Variants in TTBK2 observed in about 807,000 individuals in gnomAD.
TTBK2 encodes the protein tau tubulin kinase 2.
A neutral mutation model predicts 110.8 loss-of-function variants in TTBK2; 28 were observed. The ratio of observed to expected loss-of-function variants is 0.25; its 90% CI spans 0.19 to 0.35. The LOEUF (loss-of-function observed/expected upper bound fraction) is 0.35, where lower values mean the gene tolerates loss of function less well. Ranked by LOEUF, TTBK2 falls within the 10% of genes least tolerant of loss-of-function variation. The probability of loss-of-function intolerance (pLI) is 1.00; values close to 1 mark genes in which losing one functional copy is unlikely to be tolerated. For synonymous variants in TTBK2, 532 were observed against 527.3 expected (o/e 1.01, Z -0.12); for missense variants, 1,369 against 1,500.3 (o/e 0.91, Z 1.45).
intron 6 of TTBK2, among the ~76,000 whole-genome samples, chr15:42,820,923 G>A (rs892989464): frequency 3.9e-5 from 6 of 152,060 alleles, no homozygotes; most frequent in Non-Finnish European, 8.8e-5. Context: ...AGGCTGAGAT[G>A]GGAGAATCCC....
intron 4 of TTBK2, among the ~76,000 whole-genome samples, chr15:42,832,696 TG>T (rs1295007235): frequency 6.6e-6 from 1 of 152,186 alleles, no homozygotes; most frequent in African/African-American, 2.4e-5. Flanking sequence ...CAGGCCATTC[TG>T]AGTAGTGTGA....
intron 10 of TTBK2, among the ~76,000 whole-genome samples, chr15:42,790,457 G>C (rs1404157952): frequency 2.6e-5 from 4 of 151,654 alleles, no homozygotes; most frequent in Non-Finnish European, 5.9e-5. Context: ...GCTAATTTTT[G>C]TATTTTTTGT....
intron 1 of TTBK2, among the ~76,000 whole-genome samples, chr15:42,911,825 G>C (rs1178640823): frequency 6.6e-6 from 1 of 152,144 alleles, no homozygotes; most frequent in Admixed American, 6.5e-5. Flanking sequence ...TAACATACAA[G>C]TGCATGGGAA....
chr15:42,904,112 C>T (rs1471719166), intron 1 of TTBK2, among the ~76,000 whole-genome samples: 3 of 152,190 alleles, frequency 2.0e-5, no homozygotes, highest in African/African-American at 7.2e-5. Flanking sequence ...ACCTTGATTG[C>T]AGCCTATGAC....
At chr15:42,822,186 G>T (rs1304404368) in intron 6 of TTBK2, among the ~76,000 whole-genome samples, 1 of 152,114 alleles carries the variant, frequency 6.6e-6, no homozygotes, top group African/African-American at 2.4e-5. Context: ...TTTATCAGAT[G>T]TGCGTTCTGC....
At position 42,746,105 on chromosome 15, in the gene TTBK2, T is replaced by C. The variant is rs761842533; in HGVS notation, c.3425A>G (p.Lys1142Arg). The C allele has an allele frequency of 5.6e-6, 9 of 1,614,040 alleles. No individual in the cohort carries two copies. Among genetic ancestry groups the C allele is most frequent in the East Asian group, 4.5e-5 (2 of 44,870 alleles). The change falls in exon 15 of 15, where the codon AAG becomes AGG. Residue 1142 changes from lysine to arginine, a missense_variant. Physicochemically the swap from Lys to Arg is conservative, Grantham distance 26. This residue lies in a region of TTBK2 where 1,097 missense variants were observed against 1,114.7 expected (regional missense o/e 0.98). Coordinates refer to ENST00000267890, the MANE Select transcript of TTBK2 (RefSeq NM_173500.4). Reference protein sequence around the residue: ...GSPHNPKTPPKSPVVPRRSPS... With the variant: ...GSPHNPKTPPRSPVVPRRSPS... ...ACTCCTGCGAGGGACAACTGGACTCTTGGGTGGTGTTTTTGGATTGTGAGG... is the reference window on the plus strand; with the variant it reads ...ACTCCTGCGAGGGACAACTGGACTCCTGGGTGGTGTTTTTGGATTGTGAGG...
intron 14 of TTBK2, among the ~76,000 whole-genome samples, chr15:42,750,507 G>A (rs1346762871): frequency 1.3e-5 from 2 of 151,846 alleles, no homozygotes; most frequent in Admixed American, 1.3e-4. Flanking sequence ...GATTTGAGCA[G>A]GCAGAAGAAA....
rs371026734 is a variant in TTBK2 at position 42,817,112 on chromosome 15, T to C, written c.538-15A>G. ...ACAGCTCGAGGCTACAACGAAGCCATGCAAAGAATAATAAATGAGCTTCAA... is the reference window on the plus strand; with the variant it reads ...ACAGCTCGAGGCTACAACGAAGCCACGCAAAGAATAATAAATGAGCTTCAA... On this transcript the variant is annotated splice_polypyrimidine_tract_variant and intron_variant, in intron 6 of 14. Coordinates refer to ENST00000267890, the MANE Select transcript of TTBK2 (RefSeq NM_173500.4). 66 of 1,598,764 alleles carry C rather than the reference T, an allele frequency of 4.1e-5. No homozygotes were observed. The East Asian group carries it at 4.3e-4, about 10-fold the overall frequency.
At position 42,739,629 on chromosome 15, in the gene TTBK2, A is replaced by G. The variant is rs1473247077; in HGVS notation, c.*6166T>C. The G allele has an allele frequency of 1.3e-5, 2 of 152,268 alleles. No homozygotes were observed. The highest frequency in any genetic ancestry group is 3.8e-4 in the East Asian group (2 of 5,202). The allele number at this position is 152,268 out of a possible 1,614,324, so 9.4% of individuals were successfully genotyped here. On this transcript the variant is annotated 3_prime_UTR_variant, in exon 15 of 15. Coordinates refer to ENST00000267890, the MANE Select transcript of TTBK2 (RefSeq NM_173500.4). ...CACCCAATCCAATGTCAAAGCCCCA[A>G]GTGGGCCAGTGTTACCTTTATCTTC...
At chr15:42,876,496 T>A (rs1450192571) in intron 2 of TTBK2, among the ~76,000 whole-genome samples, 1 of 152,218 alleles carries the variant, frequency 6.6e-6, no homozygotes, top group Non-Finnish European at 1.5e-5. Context: ...CCTGCACTAG[T>A]CCATGATAAT....
At chr15:42,809,177 A>T (rs1445460690) in intron 9 of TTBK2, among the ~76,000 whole-genome samples, 2 of 152,256 alleles carry the variant, frequency 1.3e-5, no homozygotes, top group Non-Finnish European at 2.9e-5. Flanking sequence ...AGGAAAGATC[A>T]CAGCAGGAAA....
intron 1 of TTBK2, among the ~76,000 whole-genome samples, chr15:42,895,946 C>A (rs1276875976): frequency 1.3e-5 from 2 of 152,180 alleles, no homozygotes; most frequent in Non-Finnish European, 2.9e-5. Context: ...CTCTCAGCCC[C>A]TGGAAATCAC....
chr15:42,905,986 C>T (rs745628584), intron 1 of TTBK2, among the ~76,000 whole-genome samples: 33 of 152,030 alleles, frequency 2.2e-4, no homozygotes, highest in African/African-American at 4.1e-4. Context: ...GTCGGGAGTT[C>T]GAGACCAGCC....
chr15:42,772,580 T>C (rs559548482), intron 13 of TTBK2, among the ~76,000 whole-genome samples: 48 of 152,290 alleles, frequency 3.2e-4, no homozygotes, highest in African/African-American at 1.1e-3. Context: ...TACATAGCAA[T>C]GGCAATGGAT....
intron 11 of TTBK2, among the ~76,000 whole-genome samples, chr15:42,779,732 C>T (rs1890099386): frequency 6.6e-6 from 1 of 152,086 alleles, no homozygotes; most frequent in Non-Finnish European, 1.5e-5. Context: ...GTAATCCCAG[C>T]ACTTTGTGAG....
intron 13 of TTBK2, 41 bp downstream of exon 13, chr15:42,775,094 G>T (rs990479528): frequency 6.3e-7 from 1 of 1,589,632 alleles, no homozygotes. Context: ...ATAGCACCTT[G>T]AGTGGATAAC....
At chr15:42,892,290 T>C (rs1895487908) in intron 1 of TTBK2, among the ~76,000 whole-genome samples, 1 of 152,214 alleles carries the variant, frequency 6.6e-6, no homozygotes, top group Non-Finnish European at 1.5e-5. Context: ...TTATTGGAAC[T>C]AAGCCATGCT....
intron 11 of TTBK2, among the ~76,000 whole-genome samples, chr15:42,781,414 G>T (rs1342097777): frequency 6.6e-6 from 1 of 151,904 alleles, no homozygotes; most frequent in Non-Finnish European, 1.5e-5. Context: ...CCTTCTTTCT[G>T]CTTGTCTTAG....
intron 12 of TTBK2, among the ~76,000 whole-genome samples, chr15:42,776,368 T>C (rs577540757): frequency 3.1e-4 from 48 of 152,382 alleles, no homozygotes; most frequent in African/African-American, 1.1e-3. Flanking sequence ...AATTCATAAA[T>C]ATATCCCACA....
Sources: allele counts gnomAD v4.1 joint callset (sites outside exome capture counted in the v4.1 genomes callset), GRCh38; gene constraint gnomAD v4.1.1; regional missense constraint gnomAD v4.1.1; transcripts MANE v1.5; gene names NCBI Gene and HGNC (gene_info 2026-07-23, HGNC 2026-07-21).